The following CMYA5 variants were observed in gnomAD, a reference collection of about 807,000 sequenced individuals.
The protein encoded by CMYA5 is cardiomyopathy-associated protein 5.
Under a neutral mutation model 318.9 loss-of-function variants are expected in CMYA5, and 246 were observed. The ratio of observed to expected loss-of-function variants is 0.77; its 90% CI spans 0.70 to 0.86. The LOEUF is 0.86. Among genes scored for constraint, CMYA5 ranks in the 40% least tolerant of loss-of-function variants. The pLI is 0.00. For synonymous variants in CMYA5, 1,641 were observed against 1,729.5 expected (o/e 0.95, Z 1.27); for missense variants, 4,589 against 4,678.2 (o/e 0.98, Z 0.56).
intron 9 of CMYA5, among the ~76,000 whole-genome samples, chr5:79,778,932 C>G (rs1287371690): frequency 8.7e-6 from 1 of 114,824 alleles, no homozygotes; most frequent in African/African-American, 3.5e-5. Context: ...TTTTATTATA[C>G]TCTAAGTTTT....
chr5:79,756,310 T>C (rs948818123), intron 6 of CMYA5, among the ~76,000 whole-genome samples: 3 of 152,200 alleles, frequency 2.0e-5, no homozygotes, highest in Non-Finnish European at 2.9e-5. Context: ...CCTCTGTGGC[T>C]TTCCAGATGA....
At position 79,799,835 on chromosome 5, in the gene CMYA5, CTT is replaced by C. The variant is rs1829342231; in HGVS notation, c.*221_*222del. On this transcript the variant is annotated 3_prime_UTR_variant, in exon 13 of 13. Transcript: ENST00000446378. ...CAGAATGAAAACAACAACCTCCACTCTTTAGTTTATATAAGTTTGAGTTCTTT... is the reference window on the plus strand; with the variant it reads ...CAGAATGAAAACAACAACCTCCACTCTAGTTTATATAAGTTTGAGTTCTTT... 2.3e-6 allele frequency: 1 copy of C among 426,924 alleles called. No homozygotes were observed. The highest frequency in any genetic ancestry group is 4.1e-6 in the Non-Finnish European group (1 of 243,672). The allele number at this position is 426,924 out of a possible 1,614,324, so 26.4% of individuals were successfully genotyped here.
intron 1 of CMYA5, among the ~76,000 whole-genome samples, chr5:79,727,028 G>A (rs1827762417): frequency 6.7e-6 from 1 of 148,320 alleles, no homozygotes; most frequent in Non-Finnish European, 1.5e-5. Context: ...AGATTCTCCT[G>A]CCTCAGCCTC....
chr5:79,791,431 A>G (rs1829176531), intron 11 of CMYA5, among the ~76,000 whole-genome samples: 3 of 152,010 alleles, frequency 2.0e-5, no homozygotes, highest in African/African-American at 7.2e-5. Context: ...TTGAAAAGGC[A>G]TAGAAGAGGC....
intron 1 of CMYA5, among the ~76,000 whole-genome samples, chr5:79,702,760 G>A (rs1250389955): frequency 6.6e-6 from 1 of 152,206 alleles, no homozygotes; most frequent in Non-Finnish European, 1.5e-5. Context: ...TTTATAGTAT[G>A]TGAATCATAC....
rs758783939 is a variant in CMYA5 at position 79,768,055 on chromosome 5, G to A, written c.11555+4846G>A. 5.3e-5 allele frequency among the ~76,000 whole-genome samples: 8 copies of A among 152,124 alleles called. 1 individual carries two copies. Among genetic ancestry groups the A allele is most frequent in the Non-Finnish European group, 7.4e-5 (5 of 67,988 alleles). ...GTTGATCCCTTTGCCATTATGTAAC[G>A]GCCTTCTTTGTCTTTTTTGATCTTT... On this transcript the variant is annotated intron_variant, in intron 9 of 12. Coordinates refer to ENST00000446378, the MANE Select transcript of CMYA5 (RefSeq NM_153610.5).
At chr5:79,725,626 A>C (rs1391182077) in intron 1 of CMYA5, among the ~76,000 whole-genome samples, 1 of 152,184 alleles carries the variant, frequency 6.6e-6, no homozygotes, top group African/African-American at 2.4e-5. Flanking sequence ...ATGGAAGCAG[A>C]GTGCGGTGGC....
At chr5:79,797,796 G>C (rs185443) in intron 12 of CMYA5, among the ~76,000 whole-genome samples, 91,772 of 152,064 alleles carry the variant, frequency 0.6, 27,734 homozygotes, top group Middle Eastern at 0.69. Context: ...CCAAACCCAA[G>C]AGGCCAATGG....
intron 1 of CMYA5, among the ~76,000 whole-genome samples, chr5:79,693,633 G>A (rs534018691): frequency 1.1e-4 from 17 of 152,254 alleles, no homozygotes; most frequent in Admixed American, 3.3e-4. Flanking sequence ...ATGAGCCACC[G>A]TGCCCGGTCA....
intron 1 of CMYA5, among the ~76,000 whole-genome samples, chr5:79,692,922 C>T (rs1403915667): frequency 1.3e-5 from 2 of 152,122 alleles, no homozygotes; most frequent in Non-Finnish European, 2.9e-5. Flanking sequence ...ATAGACAATG[C>T]GAGGTGCTGG....
chr5:79,691,512 G>A lies in CMYA5; in HGVS notation c.149+1456G>A, dbSNP rs145068592. ...ATTTGTCTGCAGTAAACTTCAGCCT[G>A]TTCTGACTACAGACAGTAAGGTGGA... On this transcript the variant is annotated intron_variant, in intron 1 of 12. Coordinates refer to ENST00000446378, the MANE Select transcript of CMYA5 (RefSeq NM_153610.5). Among the ~76,000 whole-genome samples, 21 of 152,320 alleles carry A rather than the reference G, an allele frequency of 1.4e-4. No homozygotes were observed. The East Asian group carries it at 4.1e-3, about 29-fold the overall frequency.
chr5:79,726,386 T>G (rs991680361), intron 1 of CMYA5, among the ~76,000 whole-genome samples: 1 of 152,170 alleles, frequency 6.6e-6, no homozygotes, highest in South Asian at 2.1e-4. Flanking sequence ...TAGGATGAGT[T>G]GAAAGTTTTG....
chr5:79,730,176 G>C lies in CMYA5; in HGVS notation c.1411G>C (p.Ala471Pro). The change falls in exon 2 of 13, where the codon GCA (alanine) becomes CCA (proline). Residue 471 changes from alanine to proline, a missense_variant. Transcript: ENST00000446378. ...TSIERAEPVS[A>P]KLTPTHPSVK... ...AATAGAAAGGGCAGAACCAGTCTCC[G>C]CAAAACTGACCCCTACCCATCCCAG... 1.2e-6 allele frequency: 2 copies of C among 1,613,770 alleles called. No individual in the cohort carries two copies. The highest frequency in any genetic ancestry group is 1.7e-6 in the Non-Finnish European group (2 of 1,179,844).
At chr5:79,717,668 G>A (rs887594239) in intron 1 of CMYA5, among the ~76,000 whole-genome samples, 1 of 152,080 alleles carries the variant, frequency 6.6e-6, no homozygotes, top group Non-Finnish European at 1.5e-5. Flanking sequence ...ATAGTAGAGG[G>A]CCCTAACTTC....
intron 7 of CMYA5, 50 bp from the exon 8 acceptor site, chr5:79,761,761 T>G: frequency 6.4e-7 from 1 of 1,555,064 alleles, no homozygotes; most frequent in Non-Finnish European, 8.7e-7. Flanking sequence ...AACTATAACT[T>G]TTAATTAACT....
chr5:79,736,167 G>A lies in CMYA5; in HGVS notation c.7402G>A (p.Ala2468Thr), dbSNP rs969602860. 1 of 1,613,698 alleles carries A rather than the reference G, an allele frequency of 6.2e-7. No individual in the cohort carries two copies. The highest frequency in any genetic ancestry group is 1.1e-5 in the South Asian group (1 of 91,066). Residue 2468 changes from alanine to threonine, a missense_variant, in exon 2 of 13, where the codon GCA (alanine) becomes ACA (threonine). Physicochemically the swap from Ala to Thr is moderately conservative, Grantham distance 58. Transcript: ENST00000446378. ...DNLENRSYTL[A>T]EKKVLAEKQN... ...TTTGGAAAACAGATCATATACCTTG[G>A]CAGAAAAGAAGGTGCTGGCAGAAAA...
chr5:79,772,121 G>GAA (rs34474687), intron 9 of CMYA5, among the ~76,000 whole-genome samples: 2 of 148,120 alleles, frequency 1.4e-5, no homozygotes, highest in African/African-American at 2.5e-5. Flanking sequence ...CCATTTGTAG[G>GAA]AAAAAAAAAA....
intron 9 of CMYA5, among the ~76,000 whole-genome samples, chr5:79,767,021 G>A (rs1003597613): frequency 3.9e-5 from 6 of 152,054 alleles, no homozygotes; most frequent in Admixed American, 3.9e-4. Flanking sequence ...ACTTCTTCCT[G>A]GTTTAGTCTT....
chr5:79,777,279 C>G (rs1420366456), intron 9 of CMYA5, among the ~76,000 whole-genome samples: 1 of 152,160 alleles, frequency 6.6e-6, no homozygotes, highest in Non-Finnish European at 1.5e-5. Context: ...CCTTTACCTA[C>G]CCAATTCTCC....
Sources: gnomAD v4.1 joint callset for allele counts (sites outside exome capture counted in the v4.1 genomes callset) on GRCh38, gnomAD v4.1.1 for gene constraint, MANE v1.5 for transcripts, NCBI Gene and HGNC (gene_info 2026-07-23, HGNC 2026-07-21) for gene names.